PLXNC1: variants seen among roughly 807,000 people sequenced by gnomAD.
The protein encoded by PLXNC1 is plexin C1.
In PLXNC1, 75 loss-of-function variants were observed where a neutral mutation model predicts 178.2. The ratio of observed to expected loss-of-function variants is 0.42; its 90% CI spans 0.35 to 0.51. The LOEUF is 0.51. PLXNC1 is among the 20% of genes least tolerant of loss of function. PLXNC1 has a pLI of 0.02. For synonymous variants in PLXNC1, 790 were observed against 779.9 expected (o/e 1.01, Z -0.22); for missense variants, 1,503 against 1,984.4 (o/e 0.76, Z 4.61).
chr12:94,174,576 A>G (rs942916716), intron 2 of PLXNC1, among the ~76,000 whole-genome samples: 1 of 152,234 alleles, frequency 6.6e-6, no homozygotes, highest in Non-Finnish European at 1.5e-5. Flanking sequence ...TGTACTGCCT[A>G]AAGAGTCTGC....
At chr12:94,250,982 C>T (rs1205097225) in intron 14 of PLXNC1, among the ~76,000 whole-genome samples, 2 of 152,184 alleles carry the variant, frequency 1.3e-5, no homozygotes, top group Admixed American at 1.3e-4. Context: ...GATCACACCA[C>T]TGCACTCCAA....
chr12:94,154,893 TG>T (rs1961105937), intron 1 of PLXNC1, among the ~76,000 whole-genome samples: 1 of 152,236 alleles, frequency 6.6e-6, no homozygotes, highest in Admixed American at 6.5e-5. Flanking sequence ...AGTATGTAGT[TG>T]GGACTTCAGA....
chr12:94,171,219 T>TGCA (rs1177502274), intron 2 of PLXNC1, among the ~76,000 whole-genome samples: 1 of 152,230 alleles, frequency 6.6e-6, no homozygotes, highest in Non-Finnish European at 1.5e-5. Context: ...TGGACCAAGC[T>TGCA]GCAGCTTCAT....
intron 4 of PLXNC1, among the ~76,000 whole-genome samples, chr12:94,189,954 G>A (rs1015282013): frequency 2.6e-5 from 4 of 152,198 alleles, no homozygotes; most frequent in African/African-American, 9.7e-5. Flanking sequence ...GGGGTGGTCT[G>A]TAATGATCAC....
intron 4 of PLXNC1, among the ~76,000 whole-genome samples, chr12:94,199,794 G>C (rs777847363): frequency 3.9e-5 from 6 of 152,008 alleles, no homozygotes; most frequent in Admixed American, 6.6e-5. Context: ...TTGTTTGTTT[G>C]GTTGGTTGGT....
rs1164587754 is a variant in PLXNC1, at chr12:94,176,697, A to G, written c.1204-4749A>G. Among the ~76,000 whole-genome samples the G allele has an allele frequency of 2.6e-5, 4 of 152,208 alleles. No individual in the cohort carries two copies. The East Asian group carries it at 7.7e-4, about 29-fold the overall frequency. ...CCTGGTCTTGACTTCCAAGGCAACCAATGATAGTAGTTTCATGGGTATCTT... is the reference window on the plus strand; with the variant it reads ...CCTGGTCTTGACTTCCAAGGCAACCGATGATAGTAGTTTCATGGGTATCTT... On this transcript the variant is annotated intron_variant, in intron 2 of 30. Transcript: ENST00000258526.
At chr12:94,173,735 C>T (rs913840343) in intron 2 of PLXNC1, among the ~76,000 whole-genome samples, 2 of 152,170 alleles carry the variant, frequency 1.3e-5, no homozygotes, top group Non-Finnish European at 2.9e-5. Flanking sequence ...TGTTATATTT[C>T]TTTCTAATAC....
Position 94,213,868 on chromosome 12 carries a change from A to ATT in PLXNC1, c.1554+4179_1554+4180dup, listed in dbSNP as rs779977778. Among the ~76,000 whole-genome samples, 710 of 140,946 alleles carry ATT rather than the reference A, an allele frequency of 5.0e-3. 7 individuals carry two copies. Among genetic ancestry groups the ATT allele is most frequent in the African/African-American group, 0.015 (551 of 37,584 alleles). The allele number at this position is 140,946 out of a possible 152,430, so 92.5% of individuals were successfully genotyped here. ...AAGGGATCCAGTTTCCGCTTTCTAC[A>ATT]TTTTTTTTTTTTTTTTGAGATGGAG... is the stretch of plus-strand genomic sequence containing the variant. On this transcript the variant is annotated intron_variant, in intron 5 of 30. Coordinates refer to ENST00000258526, the MANE Select transcript of PLXNC1 (RefSeq NM_005761.3).
intron 27 of PLXNC1, 28 bp downstream of exon 27, chr12:94,298,823 T>G (rs775502041): frequency 6.3e-7 from 1 of 1,592,252 alleles, no homozygotes; most frequent in Non-Finnish European, 8.6e-7. Context: ...TAGTGACTGT[T>G]TTCAAGAATC....
Position 94,196,227 on chromosome 12 carries a change from G to A in PLXNC1, c.1439+9754G>A, listed in dbSNP as rs138387774. Among the ~76,000 whole-genome samples, 574 of 152,276 alleles carry A rather than the reference G, an allele frequency of 3.8e-3. 2 individuals are homozygous for A. Among genetic ancestry groups the A allele is most frequent in the Non-Finnish European group, 5.4e-3 (370 of 68,026 alleles). On this transcript the variant is annotated intron_variant, in intron 4 of 30. Coordinates refer to ENST00000258526, the MANE Select transcript of PLXNC1 (RefSeq NM_005761.3). Reference sequence around the variant, plus strand: ...AGATGTTTTGTCTCCTCCAAATCTCGTGTTGAAATGTGACCTCCAGTACTG... The same window carrying A: ...AGATGTTTTGTCTCCTCCAAATCTCATGTTGAAATGTGACCTCCAGTACTG...
intron 28 of PLXNC1, among the ~76,000 whole-genome samples, chr12:94,303,194 G>A (rs1417290723): frequency 6.6e-6 from 1 of 152,134 alleles, no homozygotes; most frequent in East Asian, 1.9e-4. Context: ...ACACATCAGA[G>A]CCACCAATAC....
At chr12:94,177,866 AC>A (rs1490023420) in intron 2 of PLXNC1, among the ~76,000 whole-genome samples, 2 of 152,250 alleles carry the variant, frequency 1.3e-5, no homozygotes, top group African/African-American at 4.8e-5. Flanking sequence ...TTTAAAGCAA[AC>A]CCCACAGACA....
intron 4 of PLXNC1, among the ~76,000 whole-genome samples, chr12:94,206,006 G>A (rs1016365302): frequency 6.6e-6 from 1 of 152,192 alleles, no homozygotes; most frequent in Non-Finnish European, 1.5e-5. Flanking sequence ...TGTTTCATCC[G>A]TAAAGAGTGA....
intron 1 of PLXNC1, among the ~76,000 whole-genome samples, chr12:94,154,116 T>C (rs919975203): frequency 2.0e-5 from 3 of 152,256 alleles, no homozygotes; most frequent in Non-Finnish European, 2.9e-5. Context: ...AGCTACTATC[T>C]ACTGAATAGT....
At chr12:94,232,589 A>G (rs1964135005) in intron 9 of PLXNC1, among the ~76,000 whole-genome samples, 1 of 152,206 alleles carries the variant, frequency 6.6e-6, no homozygotes, top group African/African-American at 2.4e-5. Flanking sequence ...TTGTTTGCTG[A>G]GCAACTACTA....
intron 22 of PLXNC1, chr12:94,280,076 G>A (rs1966324519): frequency 5.9e-6 from 2 of 338,014 alleles, no homozygotes; most frequent in East Asian, 8.0e-5. Flanking sequence ...GACTCTGGGT[G>A]TTAACTCTAG....
At position 94,237,649 on chromosome 12, in the gene PLXNC1, T is replaced by A. The variant is rs1467103377; in HGVS notation, c.1981-15T>A. ...TTAGCTTTGATCTCCTGTTTTAATC[T>A]TTTCTTTCCAATAGGTCTTCTACAT... On this transcript the variant is annotated splice_polypyrimidine_tract_variant and intron_variant, in intron 9 of 30. Coordinates refer to ENST00000258526, the MANE Select transcript of PLXNC1 (RefSeq NM_005761.3). 1 of 1,608,710 alleles carries A rather than the reference T, an allele frequency of 6.2e-7. No homozygotes were observed. Among genetic ancestry groups the A allele is most frequent in the African/African-American group, 1.3e-5 (1 of 74,676 alleles).
At chr12:94,181,260 C>G (rs142772583) in intron 2 of PLXNC1, among the ~76,000 whole-genome samples, 186 bp from the exon 3 acceptor site, 1 of 151,726 alleles carries the variant, frequency 6.6e-6, no homozygotes, top group Non-Finnish European at 1.5e-5. Context: ...GGGTGTGGTG[C>G]ATCTATAGTC....
At chr12:94,195,246 G>A (rs1038827423) in intron 4 of PLXNC1, among the ~76,000 whole-genome samples, 1 of 152,150 alleles carries the variant, frequency 6.6e-6, no homozygotes, top group Non-Finnish European at 1.5e-5. Flanking sequence ...GTTAATCCAA[G>A]TCTCTCCCGG....
Sources: allele counts gnomAD v4.1 joint callset (sites outside exome capture counted in the v4.1 genomes callset), GRCh38; gene constraint gnomAD v4.1.1; transcripts MANE v1.5; gene names NCBI Gene and HGNC (gene_info 2026-07-23, HGNC 2026-07-21).